DHRSX: variants seen among roughly 807,000 people sequenced by gnomAD.
DHRSX encodes the protein polyprenol dehydrogenase.
A neutral mutation model predicts 34.0 loss-of-function variants in DHRSX; 31 were observed. The ratio of observed to expected loss-of-function variants is 0.91; its 90% confidence interval spans 0.69 to 1.23. DHRSX has a LOEUF of 1.23. DHRSX is among the 50% of genes most tolerant of loss of function. The probability of loss-of-function intolerance (pLI) is 0.00; values close to 1 mark genes in which losing one functional copy is unlikely to be tolerated. For synonymous variants in DHRSX, 201 were observed against 183.8 expected (o/e 1.09, Z -0.76); for missense variants, 414 against 428.1 (o/e 0.97, Z 0.29).
chrX:2,266,690 CCTT>C (rs1289293127), intron 5 of DHRSX, 47 bp downstream of exon 5: 1 of 1,569,412 alleles, frequency 6.4e-7, no homozygotes, highest in Non-Finnish European at 8.8e-7. Context: ...AGATGAATAA[CCTT>C]TAACCCACCT....
chrX:2,332,950 TAACA>T (rs1391016206), intron 3 of DHRSX, among the ~76,000 whole-genome samples: 2 of 152,128 alleles, frequency 1.3e-5, no homozygotes, highest in African/African-American at 2.4e-5. Context: ...GTGAGGTAAC[TAACA>T]ATCAGGGGGC....
intron 2 of DHRSX, among the ~76,000 whole-genome samples, chrX:2,416,814 T>A (rs1234658887): frequency 6.6e-6 from 1 of 152,208 alleles, no homozygotes; most frequent in Non-Finnish European, 1.5e-5. Flanking sequence ...GGACCCAGGT[T>A]ATAATCTGAA....
intron 3 of DHRSX, among the ~76,000 whole-genome samples, chrX:2,397,035 C>G (rs954689989): frequency 2.0e-5 from 3 of 152,204 alleles, no homozygotes; most frequent in African/African-American, 7.2e-5. Flanking sequence ...GGGTCTTGCT[C>G]TGTCGCCCAA....
At chrX:2,431,628 C>T (rs1347840581) in intron 1 of DHRSX, among the ~76,000 whole-genome samples, 2 of 152,090 alleles carry the variant, frequency 1.3e-5, no homozygotes, top group Non-Finnish European at 2.9e-5. Context: ...AAGAGGAGGC[C>T]ATTCTCCTAT....
intron 3 of DHRSX, among the ~76,000 whole-genome samples, chrX:2,389,696 T>A (rs1385969191): frequency 1.3e-5 from 2 of 152,192 alleles, no homozygotes; most frequent in Non-Finnish European, 2.9e-5. Flanking sequence ...TTTATTCTTC[T>A]CTGTATCTCC....
intron 3 of DHRSX, among the ~76,000 whole-genome samples, chrX:2,330,483 G>A (rs978737349): frequency 7.4e-5 from 11 of 147,814 alleles, no homozygotes; most frequent in African/African-American, 2.7e-4. Flanking sequence ...ATCGCGCCAC[G>A]GCACTCCAGC....
At chrX:2,389,591 C>G (rs1210876080) in intron 3 of DHRSX, among the ~76,000 whole-genome samples, 1 of 152,122 alleles carries the variant, frequency 6.6e-6, no homozygotes, top group Admixed American at 6.5e-5. Context: ...CTTTTATCCA[C>G]TCATGAGTGT....
intron 3 of DHRSX, among the ~76,000 whole-genome samples, chrX:2,347,426 G>C (rs189223786): frequency 6.6e-6 from 1 of 152,220 alleles, no homozygotes; most frequent in Non-Finnish European, 1.5e-5. Context: ...GGGCGCGGTG[G>C]CTCACGCCTG....
chrX:2,403,397 A>C (rs1356242130), intron 3 of DHRSX, among the ~76,000 whole-genome samples: 2 of 152,220 alleles, frequency 1.3e-5, no homozygotes, highest in East Asian at 3.8e-4. Flanking sequence ...CTTTTCTGTA[A>C]GATTGGCTTA....
At chrX:2,223,985 G>A (rs988147330) in intron 6 of DHRSX, among the ~76,000 whole-genome samples, 1 of 152,208 alleles carries the variant, frequency 6.6e-6, no homozygotes, top group Admixed American at 6.5e-5. Context: ...GGGTCCCCAG[G>A]AGAGACCATG....
chrX:2,490,506 G>C, intron 1 of DHRSX: 1 of 1,613,978 alleles, frequency 6.2e-7, no homozygotes, highest in Non-Finnish European at 8.5e-7. Context: ...AATTCCTCGG[G>C]GTGGTTCTTC....
intron 1 of DHRSX, among the ~76,000 whole-genome samples, chrX:2,486,244 G>A (rs1205498028): frequency 2.0e-5 from 3 of 152,234 alleles, no homozygotes; most frequent in East Asian, 3.9e-4. Context: ...ATCATAACTT[G>A]AGGATTTACA....
At chrX:2,269,603 C>G (rs1405338494) in intron 4 of DHRSX, among the ~76,000 whole-genome samples, 2 of 152,138 alleles carry the variant, frequency 1.3e-5, no homozygotes, top group African/African-American at 4.8e-5. Context: ...ATGAGGCAGT[C>G]TCGCCTCACT....
intron 1 of DHRSX, among the ~76,000 whole-genome samples, chrX:2,474,980 C>T (rs1311083112): frequency 6.6e-6 from 1 of 150,510 alleles, no homozygotes; most frequent in African/African-American, 2.5e-5. Flanking sequence ...GGCATGTGGC[C>T]AAGGGAATGC....
chrX:2,472,384 G>A (rs1156680134), intron 1 of DHRSX, among the ~76,000 whole-genome samples: 3 of 152,096 alleles, frequency 2.0e-5, no homozygotes, highest in Non-Finnish European at 4.4e-5. Flanking sequence ...ATGGTAGTAG[G>A]CTTACTACCT....
At chrX:2,423,061 C>T (rs1463692146) in intron 2 of DHRSX, among the ~76,000 whole-genome samples, 2 of 150,890 alleles carry the variant, frequency 1.3e-5, no homozygotes, top group African/African-American at 2.4e-5. Context: ...CCTTGACCTC[C>T]CAAAGTGCTG....
intron 5 of DHRSX, among the ~76,000 whole-genome samples, chrX:2,247,704 C>A (rs781633988): frequency 2.2e-4 from 33 of 149,984 alleles, no homozygotes; most frequent in Non-Finnish European, 1.5e-4. Flanking sequence ...TTCATGTATT[C>A]ATTTTTTCAT....
At chrX:2,496,538 C>G (rs1049446608) in intron 1 of DHRSX, among the ~76,000 whole-genome samples, 1 of 152,120 alleles carries the variant, frequency 6.6e-6, no homozygotes, top group Non-Finnish European at 1.5e-5. Flanking sequence ...GCAGTGTATA[C>G]TGCTTGGGTG....
At chrX:2,337,682 G>C (rs2042586075) in intron 3 of DHRSX, 1 of 151,968 alleles carries the variant, frequency 6.6e-6, no homozygotes. Flanking sequence ...CGGGAAAGTA[G>C]GTGTCACTCA....
Sources: gnomAD v4.1 joint callset for allele counts (sites outside exome capture counted in the v4.1 genomes callset) on GRCh38, gnomAD v4.1.1 for gene constraint, MANE v1.5 for transcripts, NCBI Gene and HGNC (gene_info 2026-07-23, HGNC 2026-07-21) for gene names.